FAM53A: variants seen among roughly 807,000 people sequenced by gnomAD.
FAM53A encodes family with sequence similarity 53 member A.
FAM53A carries 28 observed loss-of-function variants against 26.6 expected under a neutral mutation model. The ratio of observed to expected loss-of-function variants is 1.05; its 90% CI spans 0.78 to 1.45. The LOEUF (loss-of-function observed/expected upper bound fraction) is 1.45. Among genes scored for constraint, FAM53A ranks in the 40% most tolerant of loss-of-function variants. The probability of loss-of-function intolerance (pLI) is 0.00; values close to 1 mark genes in which losing one functional copy is unlikely to be tolerated. For missense variants in FAM53A, 650 were observed against 575.8 expected (o/e 1.13, Z -1.32); for synonymous variants, 290 against 253.1 (o/e 1.15, Z -1.38).
intron 2 of FAM53A, among the ~76,000 whole-genome samples, chr4:1,666,987 G>A (rs1714281447): frequency 6.6e-6 from 1 of 152,210 alleles, no homozygotes; most frequent in Non-Finnish European, 1.5e-5. Flanking sequence ...AATTAGCCAG[G>A]CCTGGTGGCG....
intron 1 of FAM53A, among the ~76,000 whole-genome samples, chr4:1,676,969 C>T (rs1715088163): frequency 6.6e-6 from 1 of 152,162 alleles, no homozygotes; most frequent in African/African-American, 2.4e-5. Flanking sequence ...GATTTATAAA[C>T]CTCCTAGGAA....
chr4:1,659,790 C>T lies in FAM53A; in HGVS notation c.76-2322G>A, dbSNP rs568539817. On this transcript the variant is annotated intron_variant, in intron 2 of 4. Coordinates refer to ENST00000308132, the MANE Select transcript of FAM53A (RefSeq NM_001174070.3). The surrounding 1 kb of genome is among the most constrained non-coding windows in gnomAD (Gnocchi z 5.2). ...CCTCCTGGTTCACAGACGGCTCTTCCGGTTGTATCTATGCATGGTCGAAGG... is the reference window on the plus strand; with the variant it reads ...CCTCCTGGTTCACAGACGGCTCTTCTGGTTGTATCTATGCATGGTCGAAGG... Among the ~76,000 whole-genome samples the T allele has an allele frequency of 4.6e-5, 7 of 152,320 alleles. No individual in the cohort carries two copies. The highest frequency in any genetic ancestry group is 4.1e-4 in the South Asian group (2 of 4,826).
chr4:1,656,668 G>A (rs957697495), intron 3 of FAM53A, among the ~76,000 whole-genome samples: 1 of 152,192 alleles, frequency 6.6e-6, no homozygotes, highest in African/African-American at 2.4e-5. Flanking sequence ...CACAGGCCCG[G>A]CAGGGGGTGG....
At chr4:1,664,647 C>CTA (rs1714094837) in intron 2 of FAM53A, among the ~76,000 whole-genome samples, 1 of 152,148 alleles carries the variant, frequency 6.6e-6, no homozygotes, top group South Asian at 2.1e-4. Flanking sequence ...AACTGGGTTT[C>CTA]CTCAACACAG....
At chr4:1,606,497 G>A in the FAM53A span, among the ~76,000 whole-genome samples, 70,445 of 151,966 alleles carry the variant, frequency 0.46, 17,385 homozygotes, top group Non-Finnish European at 0.55. Context: ...ACTGTTTCAT[G>A]CAGAGGACCG....
chr4:1,623,057 C>T (rs1715117851), intron 1 of FAM53A, among the ~76,000 whole-genome samples: 1 of 152,248 alleles, frequency 6.6e-6, no homozygotes, highest in African/African-American at 2.4e-5. Flanking sequence ...ACAGGGCTGA[C>T]AGTGGCACCT....
chr4:1,620,172 A>G (rs1714966423), intron 1 of FAM53A, among the ~76,000 whole-genome samples: 1 of 151,382 alleles, frequency 6.6e-6, no homozygotes, highest in South Asian at 2.1e-4. Context: ...GTGCCACTGC[A>G]CTCCAGGCTG....
At chr4:1,615,147 CTGGGT>C (rs1169063591), downstream of FAM53A, among the ~76,000 whole-genome samples, 1 of 150,492 alleles carries the variant, frequency 6.6e-6, no homozygotes, top group Non-Finnish European at 1.5e-5. Flanking sequence ...CCCACCCCAC[CTGGGT>C]ACACACGGAA....
the FAM53A span, among the ~76,000 whole-genome samples, chr4:1,607,401 G>A: frequency 1.3e-5 from 2 of 151,578 alleles, no homozygotes; most frequent in Admixed American, 6.6e-5. Context: ...GGAAACGTGC[G>A]TGCGTACACA....
intron 1 of FAM53A, among the ~76,000 whole-genome samples, chr4:1,680,345 A>C (rs904554230): frequency 6.9e-6 from 1 of 145,700 alleles, no homozygotes; most frequent in South Asian, 2.2e-4. Flanking sequence ...AAAAAAAAAA[A>C]CACACCACTA....
At chr4:1,645,329 C>G (rs1240950906) in intron 4 of FAM53A, among the ~76,000 whole-genome samples, 3 of 152,246 alleles carry the variant, frequency 2.0e-5, no homozygotes, top group Non-Finnish European at 2.9e-5. Context: ...AGCACCGGGA[C>G]CCTAGACCCC....
At chr4:1,682,884 T>C (rs1041117870) in intron 1 of FAM53A, among the ~76,000 whole-genome samples, 6 of 152,106 alleles carry the variant, frequency 3.9e-5, no homozygotes, top group African/African-American at 1.4e-4. Flanking sequence ...CTAAGAAACA[T>C]AAGGACGCAT....
At position 1,649,170 on chromosome 4, in the gene FAM53A, A is replaced by G. The variant is rs144647049; in HGVS notation, c.882+5808T>C. On this transcript the variant is annotated intron_variant, in intron 4 of 4. Transcript: ENST00000308132. Reference sequence around the variant, plus strand: ...AAGGGAAGGGGAAAGGGAAGGGGAAAGGGAAAGGGAAGGGGAAGGGGAAGG... The same window carrying G: ...AAGGGAAGGGGAAAGGGAAGGGGAAGGGGAAAGGGAAGGGGAAGGGGAAGG... 2.3e-3 allele frequency among the ~76,000 whole-genome samples: 169 copies of G among 73,222 alleles called. 1 individual carries two copies. Among genetic ancestry groups the G allele is most frequent in the Middle Eastern group, 8.3e-3 (1 of 120 alleles). The allele number at this position is 73,222 out of a possible 152,430, so 48.0% of individuals were successfully genotyped here.
chr4:1,636,275 C>T (rs1418825161), downstream of FAM53A, among the ~76,000 whole-genome samples: 1 of 152,182 alleles, frequency 6.6e-6, no homozygotes, highest in African/African-American at 2.4e-5. Context: ...TCCATAGACA[C>T]CCCTCCGCTC....
At chr4:1,636,437 T>G (rs2108786534), downstream of FAM53A, among the ~76,000 whole-genome samples, 1 of 152,354 alleles carries the variant, frequency 6.6e-6, no homozygotes, top group Admixed American at 6.5e-5. Flanking sequence ...TTTGCGGCAG[T>G]GCATTGCTTT....
chr4:1,629,832 C>G (rs1715532422), intron 1 of FAM53A, among the ~76,000 whole-genome samples: 1 of 152,104 alleles, frequency 6.6e-6, no homozygotes, highest in South Asian at 2.1e-4. Context: ...CCCCGGCCCA[C>G]CCACAGCTCA....
chr4:1,600,149 A>T, the FAM53A span, among the ~76,000 whole-genome samples: 2 of 152,132 alleles, frequency 1.3e-5, no homozygotes, highest in Non-Finnish European at 2.9e-5. Flanking sequence ...CTGCCTTGCC[A>T]GGGATGAGCC....
At chr4:1,657,107 G>A (rs934781172) in intron 3 of FAM53A, among the ~76,000 whole-genome samples, 8 of 152,214 alleles carry the variant, frequency 5.3e-5, no homozygotes, top group African/African-American at 1.9e-4. Flanking sequence ...TGGCCACAGG[G>A]TGGGCCTTGC....
At chr4:1,582,728 A>G in the FAM53A span, among the ~76,000 whole-genome samples, 8 of 152,192 alleles carry the variant, frequency 5.3e-5, no homozygotes, top group Non-Finnish European at 8.8e-5. Context: ...GGTGGCGCAC[A>G]TCTGTAGTCC....
Sources: allele counts gnomAD v4.1 joint callset (sites outside exome capture counted in the v4.1 genomes callset), GRCh38; gene constraint gnomAD v4.1.1; non-coding constraint Gnocchi (gnomAD v3.1); transcripts MANE v1.5; gene names NCBI Gene and HGNC (gene_info 2026-07-23, HGNC 2026-07-21).